The following FERMT1 variants were observed in gnomAD, a reference collection of about 807,000 sequenced individuals.
The protein encoded by FERMT1 is FERM domain containing kindlin 1.
Under a neutral mutation model 85.3 loss-of-function variants are expected in FERMT1, and 60 were observed. The observed-to-expected ratio is 0.70, with a 90% CI of 0.57 to 0.87. FERMT1 has a LOEUF of 0.87. Ranked by LOEUF, FERMT1 falls within the 40% of genes least tolerant of loss-of-function variation. The pLI, the probability that FERMT1 is intolerant of heterozygous loss-of-function variation, is 0.00. For synonymous variants in FERMT1, 275 were observed against 301.1 expected (o/e 0.91, Z 0.90); for missense variants, 701 against 818.9 (o/e 0.86, Z 1.76).
At chr20:6,105,048 C>T (rs994307301) in intron 6 of FERMT1, among the ~76,000 whole-genome samples, 3 of 152,096 alleles carry the variant, frequency 2.0e-5, no homozygotes, top group Non-Finnish European at 4.4e-5. Context: ...CCATCAGGTG[C>T]CTGAACTGGG....
intron 6 of FERMT1, among the ~76,000 whole-genome samples, chr20:6,100,469 C>T (rs1010283225): frequency 2.0e-5 from 3 of 151,772 alleles, no homozygotes; most frequent in Non-Finnish European, 4.4e-5. Context: ...GGGGAGTGAC[C>T]GCTAATGGGT....
chr20:6,118,650 A>T lies in FERMT1; in HGVS notation c.151+754T>A, dbSNP rs187993770. 1.7e-3 allele frequency among the ~76,000 whole-genome samples: 264 copies of T among 152,354 alleles called. 4 individuals are homozygous for T. The highest frequency in any genetic ancestry group is 6.8e-3 in the Middle Eastern group (2 of 294). ...AGAAGCACAAAGAAAATAGAATGTT[A>T]TTAAATTCTAGGTTGATAATGTTGA... On this transcript the variant is annotated intron_variant, in intron 2 of 14. Transcript: ENST00000217289.
chr20:6,087,999 T>G, intron 10 of FERMT1, 116 bp from the exon 11 acceptor site: 1 of 721,906 alleles, frequency 1.4e-6, no homozygotes, highest in Non-Finnish European at 2.5e-6. Flanking sequence ...GCTTTGGTTT[T>G]GAAAAATGGA....
chr20:6,103,855 C>CTAT lies in FERMT1; in HGVS notation c.849+3674_849+3676dup, dbSNP rs1166082080. ...TTTCTGGATTCTTCATTTTTTGAGTCTATTATTATTATTATTATTTTATTT... is the reference window on the plus strand; with the variant it reads ...TTTCTGGATTCTTCATTTTTTGAGTCTATTATTATTATTATTATTATTTTATTT... On this transcript the variant is annotated intron_variant, in intron 6 of 14. Transcript: ENST00000217289. 9.3e-5 allele frequency among the ~76,000 whole-genome samples: 12 copies of CTAT among 128,596 alleles called. No homozygotes were observed. The South Asian group carries it at 1.5e-3, about 16-fold the overall frequency. 84.4% of individuals were successfully genotyped at this position (128,596 alleles called of 152,430 possible). A position where few individuals can be genotyped will look rare whatever the true frequency, so the allele number is the denominator to read the frequency against.
chr20:6,109,757 T>C (rs1404926410), intron 5 of FERMT1, among the ~76,000 whole-genome samples: 3 of 152,132 alleles, frequency 2.0e-5, no homozygotes, highest in Admixed American at 1.3e-4. Flanking sequence ...CAAATTTAGC[T>C]GGGCATGGTG....
In FERMT1 at chr20:6,116,729, C is replaced by CAAAAAA. The variant is rs58183881; in HGVS notation, c.152-691_152-686dup. ...GGGCAACAAGAGCAAATCTCTGTCT[C>CAAAAAA]AAAAAAAAAAAAATGGAAAATAGGG... On this transcript the variant is annotated intron_variant, in intron 2 of 14. Coordinates refer to ENST00000217289, the MANE Select transcript of FERMT1 (RefSeq NM_017671.5). Among the ~76,000 whole-genome samples, 343 of 140,866 alleles carry CAAAAAA rather than the reference C, an allele frequency of 2.4e-3. 1 individual carries two copies. The highest frequency in any genetic ancestry group is 8.4e-3 in the African/African-American group (319 of 38,080). 92.4% of individuals were successfully genotyped at this position (140,866 alleles called of 152,430 possible).
At chr20:6,078,669 G>A (rs1205212173) in intron 14 of FERMT1, among the ~76,000 whole-genome samples, 1 of 132,228 alleles carries the variant, frequency 7.6e-6, no homozygotes, top group Non-Finnish European at 1.6e-5. Flanking sequence ...TTAATTTTCT[G>A]TGGAGACAGG....
chr20:6,110,448 G>T lies in FERMT1; in HGVS notation c.596C>A (p.Ala199Glu). The change falls in exon 5 of 15, where the codon GCA becomes GAA. Residue 199 changes from alanine (A) to glutamate (E), a missense_variant. Physicochemically the swap from Ala to Glu is moderately radical, Grantham distance 107. Coordinates refer to ENST00000217289, the MANE Select transcript of FERMT1 (RefSeq NM_017671.5). ...PIYDPINGTP[A>E]SSTMTWFSDS... ...ACTGAACCAAGTCATGGTGGATGAT[G>T]CTGGTGTTCCATTGATGGGGTCATA... The T allele has an allele frequency of 6.2e-7, 1 of 1,614,108 alleles. No homozygotes were observed. The highest frequency in any genetic ancestry group is 1.1e-5 in the South Asian group (1 of 91,070).
At position 6,115,977 on chromosome 20, in the gene FERMT1, G is replaced by T. The variant is rs574151559; in HGVS notation, c.219C>A (p.Thr73=). ...CCCCATATTTGTCCAGGGTCCAGTG[G>T]GTTTTCAGAAGCCAGCAATGCTTCT... The part of the protein sequence containing the change: ...WEQKHCWLLK[T]HWTLDKYGVQ... The change falls in exon 3 of 15, where the codon ACC becomes ACA. Residue 73 remains threonine (T), a synonymous_variant. Coordinates refer to ENST00000217289, the MANE Select transcript of FERMT1 (RefSeq NM_017671.5). The T allele has an allele frequency of 6.2e-7, 1 of 1,614,042 alleles. No homozygotes were observed.
intron 6 of FERMT1, among the ~76,000 whole-genome samples, chr20:6,107,007 C>T (rs1310411189): frequency 6.6e-6 from 1 of 152,052 alleles, no homozygotes; most frequent in Non-Finnish European, 1.5e-5. Context: ...ACCAACCTGG[C>T]CAATATAGTG....
chr20:6,088,939 C>T (rs1349867742), intron 10 of FERMT1, 26 bp downstream of exon 10: 1 of 1,604,256 alleles, frequency 6.2e-7, no homozygotes, highest in Non-Finnish European at 8.5e-7. Context: ...TACGATGAGC[C>T]ACAGCAAGAT....
Position 6,094,953 on chromosome 20 carries a change from AT to A in FERMT1, c.1124del (p.Asn375IlefsTer27). 1 of 1,528,852 alleles carries A rather than the reference AT, an allele frequency of 6.5e-7. No individual in the cohort carries two copies. Among genetic ancestry groups the A allele is most frequent in the Non-Finnish European group, 9.1e-7 (1 of 1,102,330 alleles). The allele number at this position is 1,528,852 out of a possible 1,614,324, so 94.7% of individuals were successfully genotyped here. A position where few individuals can be genotyped will look rare whatever the true frequency, so the allele number is the denominator to read the frequency against. On this transcript the variant is annotated frameshift_variant, in exon 9 of 15. Transcript: ENST00000217289. LOFTEE classifies it high-confidence loss of function. ...AGTTTACTTACCTAAATAATTTGAG[AT>A]TATCTGCAAGTTTAGGGATATCAGT... ...DITDIPKLAD[N>X]LKLFRPKKLL...
rs905045140 is a variant in FERMT1 at position 6,082,141 on chromosome 20, C to G, written c.1718+1899G>C. Among the ~76,000 whole-genome samples the G allele has an allele frequency of 7.2e-5, 11 of 152,204 alleles. 1 individual carries two copies. The highest frequency in any genetic ancestry group is 5.2e-4 in the Admixed American group (8 of 15,280). On this transcript the variant is annotated intron_variant, in intron 13 of 14. Coordinates refer to ENST00000217289, the MANE Select transcript of FERMT1 (RefSeq NM_017671.5). The stretch of plus-strand genomic sequence containing the variant: ...TTCGCTACACCTGGGCCCACTGCCT[C>G]AAAGCCTCACCTCCATAAACAGGTG...
Position 6,087,888 on chromosome 20 carries a change from A to G in FERMT1, c.1265-5T>C. On this transcript the variant is annotated splice_region_variant and splice_polypyrimidine_tract_variant and intron_variant, in intron 10 of 14. Coordinates refer to ENST00000217289, the MANE Select transcript of FERMT1 (RefSeq NM_017671.5). Reference sequence around the variant, plus strand: ...CATCGGGCACAACTTCGCAGCCTGAAGGACAAAGATCAGAGACAAAACTGA... The same window carrying G: ...CATCGGGCACAACTTCGCAGCCTGAGGGACAAAGATCAGAGACAAAACTGA... 1 of 1,561,264 alleles carries G rather than the reference A, an allele frequency of 6.4e-7. No individual in the cohort carries two copies. The highest frequency in any genetic ancestry group is 8.8e-7 in the Non-Finnish European group (1 of 1,132,470).
Position 6,096,282 on chromosome 20 carries a change from T to A in FERMT1, c.1089+620A>T, listed in dbSNP as rs143201724. 4.6e-3 allele frequency among the ~76,000 whole-genome samples: 707 copies of A among 152,202 alleles called. 8 individuals carry two copies. Among genetic ancestry groups the A allele is most frequent in the African/African-American group, 0.017 (686 of 41,524 alleles). ...GGCTCATGCCTGTAATCTCAACACT[T>A]TGGGATGCTGAGGTGGGAGAGTCAC... On this transcript the variant is annotated intron_variant, in intron 8 of 14. Transcript: ENST00000217289.
chr20:6,086,161 A>G (rs1488802159), intron 11 of FERMT1, among the ~76,000 whole-genome samples: 1 of 151,638 alleles, frequency 6.6e-6, no homozygotes, highest in Non-Finnish European at 1.5e-5. Flanking sequence ...AAAAAGGTCC[A>G]AGGACACAAA....
At chr20:6,079,344 G>A in intron 14 of FERMT1, 92 bp downstream of exon 14, 1 of 1,340,604 alleles carries the variant, frequency 7.5e-7, no homozygotes, top group Non-Finnish European at 1.1e-6. Context: ...GGTCTAAATA[G>A]AAGAACACCT....
intron 13 of FERMT1, among the ~76,000 whole-genome samples, chr20:6,079,870 A>G (rs1442167513): frequency 1.3e-5 from 2 of 152,204 alleles, no homozygotes; most frequent in Admixed American, 6.5e-5. Context: ...TGTGTTGGGC[A>G]CCCTTCTAGG....
At position 6,102,889 on chromosome 20, in the gene FERMT1, T is replaced by C. The variant is rs570179222; in HGVS notation, c.849+4643A>G. Among the ~76,000 whole-genome samples the C allele has an allele frequency of 1.8e-3, 274 of 152,216 alleles. 3 individuals are homozygous for C. The highest frequency in any genetic ancestry group is 6.8e-3 in the Middle Eastern group (2 of 294). On this transcript the variant is annotated intron_variant, in intron 6 of 14. Coordinates refer to ENST00000217289, the MANE Select transcript of FERMT1 (RefSeq NM_017671.5). The stretch of plus-strand genomic sequence containing the variant: ...TACTTAGCATAGTTTTCTTGCTCTT[T>C]CTTAAGAAGGGGTTACTATTTAGAT...
Sources: gnomAD v4.1 joint callset for allele counts (sites outside exome capture counted in the v4.1 genomes callset) on GRCh38, gnomAD v4.1.1 for gene constraint, MANE v1.5 for transcripts, NCBI Gene and HGNC (gene_info 2026-07-23, HGNC 2026-07-21) for gene names.